Variants in SYNPO2 observed in about 807,000 individuals in gnomAD.
SYNPO2 encodes synaptopodin 2, also known as synaptopodin-2.
A neutral mutation model predicts 85.0 loss-of-function variants in SYNPO2; 56 were observed. The ratio of observed to expected loss-of-function variants is 0.66; its 90% CI spans 0.53 to 0.82. The LOEUF is 0.82. Among genes scored for constraint, SYNPO2 ranks in the 40% least tolerant of loss-of-function variants. The pLI, the probability that SYNPO2 is intolerant of heterozygous loss-of-function variation, is 0.00. For synonymous variants in SYNPO2, 602 were observed against 591.1 expected (o/e 1.02, Z -0.27); for missense variants, 1,575 against 1,534.2 (o/e 1.03, Z -0.44).
At chr4:119,032,362 C>T in intron 4 of SYNPO2, 3 of 1,229,314 alleles carry the variant, frequency 2.4e-6, no homozygotes, top group Non-Finnish European at 2.0e-6. Context: ...AGACAGTGAT[C>T]AGTGATATCA....
chr4:119,057,927 A>T lies in SYNPO2; in HGVS notation c.3779A>T (p.Gln1260Leu). ...CCACACCCAAGGGGATGGAGACGCCAAACATGAAAGTTAGAAGAACGGATC... is the reference window on the plus strand; with the variant it reads ...CCACACCCAAGGGGATGGAGACGCCTAACATGAAAGTTAGAAGAACGGATC... ...YNPHPRGWRR[Q>L]T is the part of the protein sequence containing the mutation. The change falls in exon 5 of 5, where the codon CAA becomes CTA. Residue 1260 changes from glutamine to leucine, a missense_variant. Around this residue, in one of 3 missense-constraint regions of SYNPO2, gnomAD observed 1,508 missense variants for 1,446.8 expected, o/e 1.04. Coordinates refer to ENST00000307142, the MANE Select transcript of SYNPO2 (RefSeq NM_133477.3). The T allele has an allele frequency of 6.2e-7, 1 of 1,609,328 alleles. No homozygotes were observed. The highest frequency in any genetic ancestry group is 8.5e-7 in the Non-Finnish European group (1 of 1,177,828).
chr4:119,051,727 C>A (rs1739057455), intron 4 of SYNPO2, among the ~76,000 whole-genome samples: 2 of 152,054 alleles, frequency 1.3e-5, no homozygotes, highest in South Asian at 2.1e-4. Context: ...AGAGAGGGAG[C>A]TTTGTACTGT....
chr4:118,875,674 G>A (rs1283571850), intron 1 of SYNPO2, among the ~76,000 whole-genome samples: 1 of 152,058 alleles, frequency 6.6e-6, no homozygotes, highest in African/African-American at 2.4e-5. Context: ...TTTTATTTTT[G>A]ATGATTAGAA....
chr4:119,052,095 T>C (rs1739068944), intron 4 of SYNPO2, among the ~76,000 whole-genome samples: 1 of 151,956 alleles, frequency 6.6e-6, no homozygotes, highest in Admixed American at 6.6e-5. Flanking sequence ...GGGTAGGAGG[T>C]CAGAGTGGGG....
At position 119,027,276 on chromosome 4, in the gene SYNPO2, G is replaced by T. The variant is rs768230959; in HGVS notation, c.907G>T (p.Ala303Ser). 7.4e-6 allele frequency: 12 copies of T among 1,614,158 alleles called. No individual in the cohort carries two copies. Among genetic ancestry groups the T allele is most frequent in the Admixed American group, 1.7e-5 (1 of 60,016 alleles). The change falls in exon 3 of 5, where the codon GCA (alanine) becomes TCA (serine). Residue 303 changes from alanine (A) to serine (S), a missense_variant. Ala to Ser is a moderately conservative substitution (Grantham distance 99, BLOSUM62 1). Coordinates refer to ENST00000307142, the MANE Select transcript of SYNPO2 (RefSeq NM_133477.3). ...RQKTEGCRLQAGKECVDSPVE... is the reference protein window; with the variant it reads ...RQKTEGCRLQSGKECVDSPVE... ...GAAGACAGAAGGGTGCAGGCTTCAG[G>T]CAGGAAAGGAGTGTGTGGATTCTCC...
At chr4:118,889,531 C>A (rs1391192223) in intron 1 of SYNPO2, among the ~76,000 whole-genome samples, 1 of 152,138 alleles carries the variant, frequency 6.6e-6, no homozygotes, top group Non-Finnish European at 1.5e-5. Flanking sequence ...CTCAGTTCAG[C>A]ATAACGACTT....
chr4:118,917,896 G>A (rs1733405906), intron 1 of SYNPO2, among the ~76,000 whole-genome samples: 1 of 152,018 alleles, frequency 6.6e-6, no homozygotes, highest in African/African-American at 2.4e-5. Flanking sequence ...GCAAAATATT[G>A]GAAAAATAGC....
chr4:118,876,670 TTTCTTTCTTTCTTTCTTTC>T (rs1014437822), intron 1 of SYNPO2, among the ~76,000 whole-genome samples: 2 of 1,706 alleles, frequency 1.2e-3, no homozygotes, highest in African/African-American at 5.3e-3. Context: ...TTCCTTTCTC[TTTCTTTCTTTCTTTCTTTC>T]TTTCTTTCTT....
intron 1 of SYNPO2, among the ~76,000 whole-genome samples, chr4:119,011,993 G>A (rs1208344462): frequency 2.7e-5 from 4 of 146,596 alleles, no homozygotes; most frequent in Non-Finnish European, 5.9e-5. Flanking sequence ...AGCCATCTTG[G>A]CTCACTGCAA....
rs188787801 is a variant in SYNPO2, at chr4:119,059,489, A to T, written c.*1555A>T. ...TCAAACACCTGCTCCTTATTGCCAT[A>T]CCCACGAACTGTTAAATATAAAAAA... On this transcript the variant is annotated 3_prime_UTR_variant, in exon 5 of 5. Coordinates refer to ENST00000307142, the MANE Select transcript of SYNPO2 (RefSeq NM_133477.3). 6.6e-6 allele frequency: 1 copy of T among 152,196 alleles called. No individual in the cohort carries two copies. Among genetic ancestry groups the T allele is most frequent in the Non-Finnish European group, 1.5e-5 (1 of 68,034 alleles). The allele number at this position is 152,196 out of a possible 1,614,324, so 9.4% of individuals were successfully genotyped here.
At chr4:118,977,468 G>A (rs564961710) in intron 1 of SYNPO2, among the ~76,000 whole-genome samples, 33 of 152,310 alleles carry the variant, frequency 2.2e-4, no homozygotes, top group South Asian at 1.2e-3. Flanking sequence ...AGTGGGCTCC[G>A]GCCTTGGACA....
intron 4 of SYNPO2, chr4:119,037,462 A>G: frequency 9.4e-7 from 1 of 1,068,262 alleles, no homozygotes; most frequent in Non-Finnish European, 1.1e-6. Flanking sequence ...TAGTGTTTTC[A>G]TTTGTCTTTT....
At chr4:118,919,720 T>A (rs528401142) in intron 1 of SYNPO2, among the ~76,000 whole-genome samples, 1 of 152,282 alleles carries the variant, frequency 6.6e-6, no homozygotes, top group African/African-American at 2.4e-5. Context: ...TGAGAAGGTG[T>A]CTTTCAGGAT....
chr4:118,951,398 G>A (rs186958807), intron 1 of SYNPO2, among the ~76,000 whole-genome samples: 9 of 152,224 alleles, frequency 5.9e-5, no homozygotes, highest in Non-Finnish European at 8.8e-5. Flanking sequence ...TGAGAGCTCT[G>A]TCCTCATGAC....
At chr4:118,954,953 A>G (rs1388898273) in intron 1 of SYNPO2, among the ~76,000 whole-genome samples, 1 of 152,084 alleles carries the variant, frequency 6.6e-6, no homozygotes, top group East Asian at 1.9e-4. Flanking sequence ...CAGGTAATAA[A>G]CAATGACTTG....
At chr4:119,050,673 C>T (rs1441400042) in intron 4 of SYNPO2, among the ~76,000 whole-genome samples, 1 of 152,132 alleles carries the variant, frequency 6.6e-6, no homozygotes, top group Non-Finnish European at 1.5e-5. Flanking sequence ...GTGTTAAGCC[C>T]TTTTGTGGGA....
Position 119,026,883 on chromosome 4 carries a change from G to A in SYNPO2, c.514G>A (p.Asp172Asn). ...PSYQRAPQMP[D>N]SQRGRVAEEL... ...CTACCAAAGGGCTCCCCAAATGCCT[G>A]ACTCCCAAAGAGGACGCGTGGCAGA... The change falls in exon 3 of 5, where the codon GAC becomes AAC. Residue 172 changes from aspartate to asparagine, a missense_variant. By Grantham distance (23) the Asp-to-Asn change is conservative. Transcript: ENST00000307142. 2 of 1,614,158 alleles carry A rather than the reference G, an allele frequency of 1.2e-6. No homozygotes were observed. Among genetic ancestry groups the A allele is most frequent in the Non-Finnish European group, 1.7e-6 (2 of 1,180,032 alleles).
At chr4:118,966,657 T>TAC (rs1158184486) in intron 1 of SYNPO2, among the ~76,000 whole-genome samples, 2 of 152,134 alleles carry the variant, frequency 1.3e-5, no homozygotes, top group Non-Finnish European at 2.9e-5. Flanking sequence ...AACATATATA[T>TAC]ACACACACAT....
chr4:118,891,663 C>A (rs1361708148), intron 1 of SYNPO2, among the ~76,000 whole-genome samples: 1 of 152,090 alleles, frequency 6.6e-6, no homozygotes, highest in Non-Finnish European at 1.5e-5. Context: ...GTGTTCAAGG[C>A]AAAGTGAATG....
Sources: allele counts gnomAD v4.1 joint callset (sites outside exome capture counted in the v4.1 genomes callset), GRCh38; gene constraint gnomAD v4.1.1; regional missense constraint gnomAD v4.1.1; transcripts MANE v1.5; gene names NCBI Gene and HGNC (gene_info 2026-07-23, HGNC 2026-07-21).